ZC4H2: variants seen among roughly 807,000 people sequenced by gnomAD.
ZC4H2 encodes zinc finger C4H2-type containing.
For synonymous variants in ZC4H2, 84 were observed against 66.3 expected, an observed-to-expected ratio of 1.27 and a Z score of -1.30; for missense variants, 137 against 173.9, an observed-to-expected ratio of 0.79 and a Z score of 1.19.
intron 1 of ZC4H2, among the ~76,000 whole-genome samples, chrX:65,000,527 C>T (rs1187511093): frequency 1.8e-5 from 2 of 111,770 alleles, no homozygotes; most frequent in Non-Finnish European, 3.8e-5. Context: ...GATGCCTCTT[C>T]TCCTCCAAAG....
At chrX:64,968,395 G>A (rs1931661649) in intron 1 of ZC4H2, among the ~76,000 whole-genome samples, 1 of 111,297 alleles carries the variant, frequency 9.0e-6, no homozygotes, top group African/African-American at 3.3e-5. Context: ...TAAAAACCAG[G>A]CCAGTAGGGT....
At chrX:64,989,929 G>T (rs940631888) in intron 1 of ZC4H2, among the ~76,000 whole-genome samples, 1 of 111,818 alleles carries the variant, frequency 8.9e-6, no homozygotes, top group Admixed American at 9.5e-5. Context: ...TTGCAGGTGA[G>T]CATGCACAAC....
At chrX:64,950,216 T>C (rs1930732558) in intron 1 of ZC4H2, among the ~76,000 whole-genome samples, 1 of 111,709 alleles carries the variant, frequency 9.0e-6, no homozygotes, top group African/African-American at 3.3e-5. Context: ...TGAGAGACAG[T>C]TTGTTATAAT....
chrX:64,990,960 T>C (rs983895853), intron 1 of ZC4H2, among the ~76,000 whole-genome samples: 1 of 112,047 alleles, frequency 8.9e-6, no homozygotes, highest in Non-Finnish European at 1.9e-5. Flanking sequence ...CTTCTACCTT[T>C]TTCAGAGGCA....
At chrX:64,933,693 G>A (rs1244537059) in intron 1 of ZC4H2, among the ~76,000 whole-genome samples, 1 of 110,970 alleles carries the variant, frequency 9.0e-6, no homozygotes, top group Non-Finnish European at 1.9e-5. Context: ...TAAGTTCTTG[G>A]TGTGTGGGCA....
chrX:64,991,250 A>T (rs1402124008), intron 1 of ZC4H2, among the ~76,000 whole-genome samples: 11 of 112,114 alleles, frequency 9.8e-5, no homozygotes, highest in Admixed American at 9.4e-4. Flanking sequence ...GTATGGGAAG[A>T]TGTGATGGTG....
intron 1 of ZC4H2, among the ~76,000 whole-genome samples, chrX:65,011,496 GTTC>G (rs1464009679): frequency 9.0e-6 from 1 of 111,379 alleles, no homozygotes; most frequent in African/African-American, 3.3e-5. Context: ...TGGCAGTGAA[GTTC>G]TTCTCCCAGG....
intron 1 of ZC4H2, among the ~76,000 whole-genome samples, chrX:64,945,192 T>C (rs1930470080): frequency 8.9e-6 from 1 of 112,976 alleles, no homozygotes; most frequent in Non-Finnish European, 1.9e-5. Context: ...TTTTTTGCAC[T>C]GGTTTTTCCT....
At chrX:64,938,966 G>T (rs1049175239) in intron 1 of ZC4H2, among the ~76,000 whole-genome samples, 1 of 111,686 alleles carries the variant, frequency 9.0e-6, no homozygotes, top group Non-Finnish European at 1.9e-5. Context: ...AGAAATAAAG[G>T]GTATTCAAAT....
intron 1 of ZC4H2, among the ~76,000 whole-genome samples, chrX:64,953,761 G>A (rs976874237): frequency 2.7e-5 from 3 of 111,554 alleles, no homozygotes; most frequent in Non-Finnish European, 3.8e-5. Flanking sequence ...TCAGTGTGGC[G>A]ATTCCTCAGG....
intron 1 of ZC4H2, among the ~76,000 whole-genome samples, chrX:64,983,508 A>G (rs1932122108): frequency 9.0e-6 from 1 of 111,555 alleles, no homozygotes; most frequent in Non-Finnish European, 1.9e-5. Context: ...TGCATCATAG[A>G]TGTGGCCAAT....
intron 1 of ZC4H2, among the ~76,000 whole-genome samples, chrX:65,030,588 T>C (rs1035631891): frequency 1.8e-5 from 2 of 112,066 alleles, no homozygotes; most frequent in African/African-American, 6.5e-5. Flanking sequence ...TATAAGCTCT[T>C]TGGGGCTGGA....
At chrX:65,011,918 G>A (rs1410641044) in intron 1 of ZC4H2, among the ~76,000 whole-genome samples, 2 of 109,295 alleles carry the variant, frequency 1.8e-5, no homozygotes, top group African/African-American at 3.3e-5. Flanking sequence ...GTTTCACCAC[G>A]TTGGCCAGGA....
chrX:64,918,822 C>A (rs1929047264), intron 4 of ZC4H2: 1 of 323,951 alleles, frequency 3.1e-6, no homozygotes, highest in African/African-American at 2.7e-5. Flanking sequence ...GCCTGAAAAT[C>A]TCCCTGCATT....
upstream of ZC4H2, among the ~76,000 whole-genome samples, chrX:64,981,320 C>T (rs1281376558): frequency 9.0e-6 from 1 of 111,234 alleles, no homozygotes; most frequent in East Asian, 2.8e-4. Context: ...TCACTGACTG[C>T]TGTGAGAACA....
intron 1 of ZC4H2, among the ~76,000 whole-genome samples, chrX:65,016,242 G>A (rs1932796522): frequency 9.0e-6 from 1 of 111,133 alleles, no homozygotes; most frequent in African/African-American, 3.3e-5. Flanking sequence ...AGTCAGGGTG[G>A]CCATGCACCC....
In ZC4H2 at chrX:64,917,915, A is replaced by T. The variant is rs773988135; in HGVS notation, c.562-19T>A. 2 of 1,196,799 alleles carry T rather than the reference A, an allele frequency of 1.7e-6. No individual in the cohort carries two copies. Among genetic ancestry groups the T allele is most frequent in the Non-Finnish European group, 2.3e-6 (2 of 887,664 alleles). ...AGCAGGCCTGGTGAGGGACACAGGA[A>T]AAAGAAAGTTAGTAGTCAGATTCTT... On this transcript the variant is annotated intron_variant, in intron 4 of 4. Coordinates refer to ENST00000374839, the MANE Select transcript of ZC4H2 (RefSeq NM_018684.4).
intron 1 of ZC4H2, among the ~76,000 whole-genome samples, chrX:64,945,319 C>A (rs1240502978): frequency 8.9e-6 from 1 of 112,252 alleles, no homozygotes; most frequent in African/African-American, 3.2e-5. Context: ...TGTTAGTTTT[C>A]CTTCTAACAG....
intron 1 of ZC4H2, among the ~76,000 whole-genome samples, chrX:65,031,448 G>T (rs1186327279): frequency 9.0e-6 from 1 of 110,577 alleles, no homozygotes; most frequent in Admixed American, 9.6e-5. Context: ...GATTTACTAG[G>T]TGCATCTACT....
Sources: allele counts gnomAD v4.1 joint callset (sites outside exome capture counted in the v4.1 genomes callset), GRCh38; gene constraint gnomAD v4.1.1; transcripts MANE v1.5; gene names NCBI Gene and HGNC (gene_info 2026-07-23, HGNC 2026-07-21).